The following ANKRD44 variants were observed in gnomAD, a reference collection of about 807,000 sequenced individuals.
ANKRD44 encodes ankyrin repeat domain 44, also known as serine/threonine-protein phosphatase 6 regulatory ankyrin repeat subunit B.
In ANKRD44, 35 loss-of-function variants were observed where a neutral mutation model predicts 116.0. That is an observed-to-expected ratio of 0.30 (90% confidence interval 0.23 to 0.40). The LOEUF (loss-of-function observed/expected upper bound fraction) is 0.40. Ranked by LOEUF, ANKRD44 falls within the 10% of genes least tolerant of loss-of-function variation. The pLI, the probability that ANKRD44 is intolerant of heterozygous loss-of-function variation, is 1.00. For synonymous variants in ANKRD44, 435 were observed against 461.8 expected (o/e 0.94, Z 0.74); for missense variants, 1,014 against 1,242.6 (o/e 0.82, Z 2.77).
chr2:197,098,862 G>A (rs1312895434), intron 10 of ANKRD44, among the ~76,000 whole-genome samples: 1 of 152,166 alleles, frequency 6.6e-6, no homozygotes, highest in Non-Finnish European at 1.5e-5. Flanking sequence ...GCTCACAAGG[G>A]AAGCAGCTTG....
intron 1 of ANKRD44, among the ~76,000 whole-genome samples, chr2:197,277,502 A>G (rs1574425701): frequency 6.6e-6 from 1 of 152,254 alleles, no homozygotes; most frequent in East Asian, 1.9e-4. Flanking sequence ...CCGTGACTGC[A>G]GAGGCCTTTA....
At chr2:197,013,403 A>G (rs2076332874) in intron 18 of ANKRD44, 108 bp downstream of exon 18, 4 of 1,272,674 alleles carry the variant, frequency 3.1e-6, no homozygotes, top group Non-Finnish European at 3.3e-6. Context: ...ATGTGGAAAG[A>G]AAATTGATAT....
rs143778661 is a variant in ANKRD44 at position 197,138,095 on chromosome 2, C to T, written c.191-1433G>A. Among the ~76,000 whole-genome samples, 440 of 152,278 alleles carry T rather than the reference C, an allele frequency of 2.9e-3. 1 individual carries two copies. Among genetic ancestry groups the T allele is most frequent in the East Asian group, 0.016 (85 of 5,180 alleles). ...GACCAAGAGCCACTAATCTGCACAG[C>T]GAGGCTAACAACAACAGTAATAATA... On this transcript the variant is annotated intron_variant, in intron 3 of 27. Coordinates refer to ENST00000282272, the MANE Select transcript of ANKRD44 (RefSeq NM_001195144.2).
chr2:197,272,897 T>C (rs903596630), intron 1 of ANKRD44, among the ~76,000 whole-genome samples: 3 of 152,048 alleles, frequency 2.0e-5, no homozygotes, highest in African/African-American at 7.2e-5. Flanking sequence ...TAAGACACCC[T>C]CCTCCCACAC....
intron 1 of ANKRD44, among the ~76,000 whole-genome samples, chr2:197,282,186 G>C (rs2083285367): frequency 6.6e-6 from 1 of 152,196 alleles, no homozygotes; most frequent in Non-Finnish European, 1.5e-5. Flanking sequence ...CTGGGAGGCA[G>C]AGCCTGCAGT....
chr2:197,281,513 G>T (rs550985151), intron 1 of ANKRD44, among the ~76,000 whole-genome samples: 10 of 152,210 alleles, frequency 6.6e-5, no homozygotes, highest in Non-Finnish European at 1.3e-4. Flanking sequence ...CTTGTATAAG[G>T]CATAAGTCCC....
chr2:196,990,668 T>C lies in ANKRD44; in HGVS notation c.2924-1019A>G, dbSNP rs2075899054. On this transcript the variant is annotated intron_variant, in intron 27 of 27. Coordinates refer to ENST00000282272, the MANE Select transcript of ANKRD44 (RefSeq NM_001195144.2). ...ACACAGGTGATCAAAGAAAAGCTTC[T>C]ACAGTCCAAAGTCAAAACGTTTCCG... The C allele has an allele frequency of 3.2e-6, 4 of 1,232,198 alleles. 1 individual carries two copies. In the South Asian group the frequency reaches 1.2e-4, roughly 38 times the overall value. The allele number at this position is 1,232,198 out of a possible 1,614,324, so 76.3% of individuals were successfully genotyped here.
intron 1 of ANKRD44, among the ~76,000 whole-genome samples, chr2:197,211,060 T>G (rs2697305): frequency 0.99 from 151,422 of 152,254 alleles, 75,303 homozygotes; most frequent in Middle Eastern, 1. Flanking sequence ...TCTTCTCTAA[T>G]CATATCCCAC....
chr2:197,187,324 A>G (rs1199780086), intron 1 of ANKRD44, among the ~76,000 whole-genome samples: 3 of 152,236 alleles, frequency 2.0e-5, no homozygotes, highest in African/African-American at 7.2e-5. Flanking sequence ...GCCAGGCCAG[A>G]TAGTCTCTAA....
intron 1 of ANKRD44, among the ~76,000 whole-genome samples, chr2:197,277,101 G>A (rs1051549526): frequency 6.6e-6 from 1 of 151,604 alleles, no homozygotes; most frequent in Non-Finnish European, 1.5e-5. Flanking sequence ...CTAATTTTTT[G>A]TATTTTTAGT....
intron 23 of ANKRD44, 45 bp downstream of exon 23, chr2:197,000,374 G>A: frequency 2.0e-6 from 3 of 1,480,950 alleles, no homozygotes; most frequent in Non-Finnish European, 2.8e-6. Context: ...CAAAGCAGAG[G>A]GTAAGATTCA....
chr2:197,297,986 C>T (rs1041283720), intron 1 of ANKRD44, among the ~76,000 whole-genome samples: 1 of 152,170 alleles, frequency 6.6e-6, no homozygotes, highest in Non-Finnish European at 1.5e-5. Context: ...ACTTCTTATG[C>T]TTATGGTCTA....
chr2:197,150,352 T>C (rs1176104862), intron 2 of ANKRD44, among the ~76,000 whole-genome samples: 1 of 151,998 alleles, frequency 6.6e-6, no homozygotes, highest in African/African-American at 2.4e-5. Flanking sequence ...ATTGAGACCA[T>C]CCTGGCTAAC....
intron 16 of ANKRD44, 190 bp downstream of exon 16, chr2:197,078,513 C>A (rs891970438): frequency 9.2e-6 from 13 of 1,414,280 alleles, no homozygotes; most frequent in Non-Finnish European, 1.1e-5. Flanking sequence ...GGGGCTCTAA[C>A]CTGCAATGGA....
chr2:197,249,283 C>T (rs2082266280), intron 1 of ANKRD44, among the ~76,000 whole-genome samples: 1 of 151,958 alleles, frequency 6.6e-6, no homozygotes, highest in Admixed American at 6.6e-5. Flanking sequence ...AAAAAATGTA[C>T]AGAAATAAAA....
chr2:197,128,527 C>G (rs764260071), intron 4 of ANKRD44, among the ~76,000 whole-genome samples: 2 of 152,174 alleles, frequency 1.3e-5, no homozygotes, highest in African/African-American at 2.4e-5. Flanking sequence ...CTTGTAGACT[C>G]TGGATATTAG....
At chr2:197,029,610 A>G in intron 16 of ANKRD44, 1 of 421,174 alleles carries the variant, frequency 2.4e-6, no homozygotes. Context: ...TTAAATGCAG[A>G]GTCACTCCAG....
intron 2 of ANKRD44, chr2:197,147,777 T>C: frequency 1.3e-5 from 5 of 399,182 alleles, no homozygotes; most frequent in South Asian, 9.0e-5. Flanking sequence ...TTATTTCAGA[T>C]AAAACACCGT....
chr2:197,100,854 G>C (rs538491328), intron 9 of ANKRD44, among the ~76,000 whole-genome samples: 1 of 152,024 alleles, frequency 6.6e-6, no homozygotes, highest in South Asian at 2.1e-4. Flanking sequence ...TCTTCCCCCA[G>C]TTTTTATTTC....
Sources: allele counts gnomAD v4.1 joint callset (sites outside exome capture counted in the v4.1 genomes callset), GRCh38; gene constraint gnomAD v4.1.1; transcripts MANE v1.5; gene names NCBI Gene and HGNC (gene_info 2026-07-23, HGNC 2026-07-21).